RAB3GAP2: variants seen among roughly 807,000 people sequenced by gnomAD.
RAB3GAP2 encodes RAB3 GTPase activating non-catalytic protein subunit 2.
In RAB3GAP2, 87 loss-of-function variants were observed where a neutral mutation model predicts 185.3. The ratio of observed to expected loss-of-function variants is 0.47; its 90% CI spans 0.39 to 0.56. The LOEUF is 0.56. Ranked by LOEUF, RAB3GAP2 falls within the 20% of genes least tolerant of loss-of-function variation. The pLI, the probability that RAB3GAP2 is intolerant of heterozygous loss-of-function variation, is 0.00. For missense variants in RAB3GAP2, 1,492 were observed against 1,638.2 expected, an observed-to-expected ratio of 0.91 and a Z score of 1.54; for synonymous variants, 554 against 576.1, an observed-to-expected ratio of 0.96 and a Z score of 0.55.
At chr1:220,257,238 C>T (rs551068278) in intron 1 of RAB3GAP2, among the ~76,000 whole-genome samples, 11 of 151,868 alleles carry the variant, frequency 7.2e-5, no homozygotes, top group South Asian at 6.2e-4. Context: ...ATTAGCCGGG[C>T]GTGGTGGCAC....
intron 1 of RAB3GAP2, among the ~76,000 whole-genome samples, chr1:220,240,004 A>C (rs1221224256): frequency 2.0e-5 from 3 of 152,000 alleles, no homozygotes; most frequent in Non-Finnish European, 4.4e-5. Flanking sequence ...AAAAAAAAAA[A>C]AAAGAACACC....
intron 21 of RAB3GAP2, 27 bp downstream of exon 21, chr1:220,182,230 A>G (rs1346046992): frequency 6.2e-7 from 1 of 1,613,816 alleles, no homozygotes; most frequent in Non-Finnish European, 8.5e-7. Flanking sequence ...AAGGAAGAAC[A>G]GCATCCAGCA....
At chr1:220,264,342 G>C (rs1036484526) in intron 1 of RAB3GAP2, among the ~76,000 whole-genome samples, 7 of 151,926 alleles carry the variant, frequency 4.6e-5, no homozygotes, top group African/African-American at 1.7e-4. Flanking sequence ...GTAAAATTTG[G>C]AAAACTAATA....
At chr1:220,171,743 G>T in intron 23 of RAB3GAP2, 146 bp downstream of exon 23, 1 of 845,192 alleles carries the variant, frequency 1.2e-6, no homozygotes, top group Non-Finnish European at 1.9e-6. Flanking sequence ...AGTATCCACG[G>T]CATCATTCTC....
chr1:220,185,719 C>G lies in RAB3GAP2; in HGVS notation c.1802G>C (p.Ser601Thr). ...AAGGCAAGAAAATGGTAAACGTTCA[C>G]TTGCCAAAATGCTTTCCAAAGCCTA... ...KKQALESILA[S>T]ERLPFSCLRN... The change falls in exon 18 of 35, where the codon AGT becomes ACT. Residue 601 changes from serine to threonine, a missense_variant. By Grantham distance (58) the Ser-to-Thr change is moderately conservative (BLOSUM62 1). Around this residue, in one of 5 missense-constraint regions of RAB3GAP2, gnomAD observed 681 missense variants for 689.1 expected, o/e 0.99. Coordinates refer to ENST00000358951, the MANE Select transcript of RAB3GAP2 (RefSeq NM_012414.4). 3 of 1,612,160 alleles carry G rather than the reference C, an allele frequency of 1.9e-6. No homozygotes were observed. Among genetic ancestry groups the G allele is most frequent in the Non-Finnish European group, 2.5e-6 (3 of 1,178,602 alleles).
intron 2 of RAB3GAP2, among the ~76,000 whole-genome samples, chr1:220,217,603 G>A (rs1250148784): frequency 6.6e-6 from 1 of 151,652 alleles, no homozygotes; most frequent in Non-Finnish European, 1.5e-5. Flanking sequence ...CAAAGCCTAT[G>A]GCTTATATTA....
intron 31 of RAB3GAP2, among the ~76,000 whole-genome samples, chr1:220,155,406 T>A (rs1234339716): frequency 6.6e-6 from 1 of 152,182 alleles, no homozygotes; most frequent in Non-Finnish European, 1.5e-5. Flanking sequence ...AAACCGGACT[T>A]ACAGGGCAAC....
chr1:220,248,381 A>C (rs1304783110), intron 1 of RAB3GAP2, among the ~76,000 whole-genome samples: 1 of 152,192 alleles, frequency 6.6e-6, no homozygotes, highest in Non-Finnish European at 1.5e-5. Flanking sequence ...AAAGAAAAAA[A>C]AATTAACTAT....
Position 220,272,346 on chromosome 1 carries a change from G to C in RAB3GAP2, c.-9C>G. 4 of 1,593,602 alleles carry C rather than the reference G, an allele frequency of 2.5e-6. No homozygotes were observed. In the South Asian group the frequency reaches 4.5e-5, roughly 18 times the overall value. On this transcript the variant is annotated 5_prime_UTR_variant, in exon 1 of 35. Transcript: ENST00000358951. ...ACAATGGAGCAGGCCATGGCTCCAG[G>C]GAACCCCACTACGGCACTCACCTTA...
At chr1:220,171,507 T>C (rs1456052315) in intron 23 of RAB3GAP2, among the ~76,000 whole-genome samples, 1 of 152,204 alleles carries the variant, frequency 6.6e-6, no homozygotes, top group African/African-American at 2.4e-5. Flanking sequence ...CTCTCCATCA[T>C]AATGAACATT....
chr1:220,263,889 C>A (rs1485940696), intron 1 of RAB3GAP2, among the ~76,000 whole-genome samples: 2 of 151,870 alleles, frequency 1.3e-5, no homozygotes. Flanking sequence ...ATATATGCCC[C>A]AAAAGAATTT....
chr1:220,180,669 T>A (rs1658386068), intron 21 of RAB3GAP2, among the ~76,000 whole-genome samples: 1 of 152,184 alleles, frequency 6.6e-6, no homozygotes, highest in African/African-American at 2.4e-5. Flanking sequence ...AGAACTAATA[T>A]CAATTATACT....
Position 220,248,527 on chromosome 1 carries a change from T to C in RAB3GAP2, c.116-15664A>G, listed in dbSNP as rs571078625. Reference sequence around the variant, plus strand: ...GGGGTAGGGGTTGGGGAAATAGACCTAGAGTTTGGGAAAATGTCAATCGTT... The same window carrying C: ...GGGGTAGGGGTTGGGGAAATAGACCCAGAGTTTGGGAAAATGTCAATCGTT... On this transcript the variant is annotated intron_variant, in intron 1 of 34. Transcript: ENST00000358951. 3.9e-5 allele frequency among the ~76,000 whole-genome samples: 6 copies of C among 152,158 alleles called. No homozygotes were observed. The East Asian group carries it at 1.2e-3, about 29-fold the overall frequency.
At chr1:220,204,933 A>G (rs1377323147) in intron 8 of RAB3GAP2, among the ~76,000 whole-genome samples, 2 of 151,894 alleles carry the variant, frequency 1.3e-5, no homozygotes, top group Non-Finnish European at 2.9e-5. Flanking sequence ...TTATGGCTGC[A>G]TAGTATTCCA....
Position 220,171,941 on chromosome 1 carries a change from T to A in RAB3GAP2, c.2525A>T (p.His842Leu). 1 of 1,614,196 alleles carries A rather than the reference T, an allele frequency of 6.2e-7. No homozygotes were observed. Among genetic ancestry groups the A allele is most frequent in the Non-Finnish European group, 8.5e-7 (1 of 1,180,036 alleles). Residue 842 changes from histidine (H) to leucine (L), a missense_variant, in exon 23 of 35, where the codon CAT becomes CTT. By Grantham distance (99) the His-to-Leu change is moderately conservative. Coordinates refer to ENST00000358951, the MANE Select transcript of RAB3GAP2 (RefSeq NM_012414.4). ...CTGTGCAGCAACAGAATGCCCAACA[T>A]GCGCAGACAACAGAGCGGCTCCATT... Reference protein sequence around the residue: ...ENNGAALLSAHVGHSVAAQIS... With the variant: ...ENNGAALLSALVGHSVAAQIS...
At chr1:220,201,461 T>C (rs749974465) in intron 9 of RAB3GAP2, among the ~76,000 whole-genome samples, 17 of 152,166 alleles carry the variant, frequency 1.1e-4, no homozygotes, top group Non-Finnish European at 1.0e-4. Flanking sequence ...GCTGAGGGCA[T>C]AATTAAATCT....
intron 1 of RAB3GAP2, among the ~76,000 whole-genome samples, chr1:220,249,860 G>A (rs573748060): frequency 5.9e-5 from 9 of 152,322 alleles, no homozygotes; most frequent in African/African-American, 1.7e-4. Flanking sequence ...GGGCCTGTGG[G>A]TGCATAGAAA....
intron 1 of RAB3GAP2, chr1:220,254,017 T>C (rs1659987807): frequency 6.2e-7 from 1 of 1,613,892 alleles, no homozygotes; most frequent in Non-Finnish European, 8.5e-7. Context: ...TGAGGAAACA[T>C]TCATGAACAG....
chr1:220,245,365 G>C (rs1659785038), intron 1 of RAB3GAP2, among the ~76,000 whole-genome samples: 1 of 152,254 alleles, frequency 6.6e-6, no homozygotes, highest in Admixed American at 6.5e-5. Flanking sequence ...GGAAGCGCAA[G>C]GGGTCAGGGA....
Sources: gnomAD v4.1 joint callset for allele counts (sites outside exome capture counted in the v4.1 genomes callset) on GRCh38, gnomAD v4.1.1 for gene constraint, gnomAD v4.1.1 regional missense constraint, MANE v1.5 for transcripts, NCBI Gene and HGNC (gene_info 2026-07-23, HGNC 2026-07-21) for gene names.